Variants in PLXNA4 observed in about 807,000 individuals in gnomAD.
The protein encoded by PLXNA4 is plexin A4.
PLXNA4 carries 44 observed loss-of-function variants against 191.8 expected under a neutral mutation model. That is an observed-to-expected ratio of 0.23 (90% CI 0.18 to 0.29). PLXNA4 has a LOEUF of 0.29. PLXNA4 is among the 10% of genes least tolerant of loss of function. PLXNA4 has a pLI of 1.00. For missense variants in PLXNA4, 1,800 were observed against 2,488.8 expected (o/e 0.72, Z 5.89); for synonymous variants, 1,082 against 1,009.5 (o/e 1.07, Z -1.36).
intron 4 of PLXNA4, among the ~76,000 whole-genome samples, chr7:132,276,914 A>C (rs888141039): frequency 1.3e-5 from 2 of 152,162 alleles, no homozygotes; most frequent in South Asian, 4.1e-4. Context: ...TGATTTATGA[A>C]TTGGCATCTG....
At chr7:132,231,453 C>T (rs180827720) in intron 5 of PLXNA4, among the ~76,000 whole-genome samples, 89 of 152,286 alleles carry the variant, frequency 5.8e-4, no homozygotes, top group African/African-American at 2.1e-3. Flanking sequence ...GAGACAGAGT[C>T]TGGCTCTGTA....
intron 3 of PLXNA4, among the ~76,000 whole-genome samples, chr7:132,438,062 G>A (rs1436886297): frequency 6.6e-6 from 1 of 152,214 alleles, no homozygotes; most frequent in Non-Finnish European, 1.5e-5. Flanking sequence ...TGGAGCTTTT[G>A]AGAAGTGTGT....
At chr7:132,338,991 C>G (rs1035851539) in intron 3 of PLXNA4, among the ~76,000 whole-genome samples, 3 of 152,244 alleles carry the variant, frequency 2.0e-5, no homozygotes, top group African/African-American at 7.2e-5. Context: ...TTTCAGGAAA[C>G]TGTGATGACT....
At chr7:132,366,090 C>T (rs1455260705) in intron 3 of PLXNA4, 1 of 152,196 alleles carries the variant, frequency 6.6e-6, no homozygotes, top group Admixed American at 6.5e-5. Flanking sequence ...CTGAAACACA[C>T]ACAGTACATT....
intron 3 of PLXNA4, among the ~76,000 whole-genome samples, chr7:132,444,922 G>A (rs1795840326): frequency 1.3e-5 from 2 of 151,774 alleles, no homozygotes; most frequent in African/African-American, 2.4e-5. Flanking sequence ...CCAACACTTT[G>A]GGAGGCCGAG....
chr7:132,468,923 G>C (rs563884529), intron 3 of PLXNA4, among the ~76,000 whole-genome samples: 1 of 152,146 alleles, frequency 6.6e-6, no homozygotes, highest in Non-Finnish European at 1.5e-5. Flanking sequence ...AACAGGCACT[G>C]AGAAAATGCC....
intron 1 of PLXNA4, among the ~76,000 whole-genome samples, chr7:132,570,439 C>T (rs1801926703): frequency 1.3e-5 from 2 of 152,196 alleles, no homozygotes; most frequent in Admixed American, 6.5e-5. Flanking sequence ...CTCTTGGCCT[C>T]TGGGTCAAAG....
chr7:132,358,569 G>A lies in PLXNA4; in HGVS notation c.1372-60347C>T, dbSNP rs935519265. 3.9e-5 allele frequency among the ~76,000 whole-genome samples: 6 copies of A among 152,154 alleles called. 1 individual carries two copies. The highest frequency in any genetic ancestry group is 8.8e-5 in the Non-Finnish European group (6 of 68,028). On this transcript the variant is annotated intron_variant, in intron 3 of 31. Coordinates refer to ENST00000321063, the MANE Select transcript of PLXNA4 (RefSeq NM_020911.2). ...GAATCTTTGGGTATGGCCGTTTAGA[G>A]GTTCCAGGCCATTATTTACTCACAG...
In PLXNA4 at chr7:132,226,034, G is replaced by A. The variant is rs904825044; in HGVS notation, c.1982+127C>T. 1.0e-5 allele frequency: 8 copies of A among 792,000 alleles called. No individual in the cohort carries two copies. In the Admixed American group the frequency reaches 1.5e-4, roughly 15 times the overall value. The allele number at this position is 792,000 out of a possible 1,614,324, so 49.1% of individuals were successfully genotyped here. On this transcript the variant is annotated intron_variant, in intron 8 of 31. Transcript: ENST00000321063. The stretch of plus-strand genomic sequence containing the variant: ...GACTCCCTGTGGGTACCAGAGGAGA[G>A]GGAGTGAAGGAGGCCTCCTCTGGGG...
chr7:132,468,969 C>T (rs577571315), intron 3 of PLXNA4, among the ~76,000 whole-genome samples: 3 of 151,856 alleles, frequency 2.0e-5, no homozygotes, highest in Non-Finnish European at 4.4e-5. Context: ...GTGGAATGCT[C>T]GAAAGCTTCC....
intron 24 of PLXNA4, among the ~76,000 whole-genome samples, chr7:132,163,628 G>A (rs900907110): frequency 6.6e-6 from 1 of 152,118 alleles, no homozygotes; most frequent in Non-Finnish European, 1.5e-5. Context: ...GGATCCCCAC[G>A]TTCCTTCAAC....
At chr7:132,443,542 C>A (rs1297945681) in intron 3 of PLXNA4, among the ~76,000 whole-genome samples, 2 of 152,204 alleles carry the variant, frequency 1.3e-5, no homozygotes, top group Non-Finnish European at 2.9e-5. Flanking sequence ...GCCACCGGGC[C>A]TGTTGTCCAT....
chr7:132,472,449 A>G (rs1303350338), intron 3 of PLXNA4, among the ~76,000 whole-genome samples: 3 of 152,192 alleles, frequency 2.0e-5, no homozygotes, highest in Non-Finnish European at 4.4e-5. Context: ...GCAAATCTTT[A>G]GAACAAGGAA....
In PLXNA4 at chr7:132,312,444, C is replaced by T. The variant is rs370390761; in HGVS notation, c.1372-14222G>A. On this transcript the variant is annotated intron_variant, in intron 3 of 31. Transcript: ENST00000321063. ...ATGTTTCAGATGTGAAAACTGAGCC[C>T]GGTGGGGAAGTCACCAAGAACAAGA... Among the ~76,000 whole-genome samples the T allele has an allele frequency of 2.5e-3, 387 of 152,088 alleles. 6 individuals are homozygous for T. The highest frequency in any genetic ancestry group is 6.8e-3 in the Admixed American group (104 of 15,282).
At chr7:132,397,899 G>A (rs545942258) in intron 3 of PLXNA4, among the ~76,000 whole-genome samples, 6 of 152,304 alleles carry the variant, frequency 3.9e-5, no homozygotes, top group South Asian at 4.2e-4. Context: ...CTTAGCAACC[G>A]GAAGGAAATT....
Position 132,620,081 on chromosome 7 carries a change from C to G in PLXNA4, c.-87+25847G>C, listed in dbSNP as rs141417780. Among the ~76,000 whole-genome samples, 865 of 152,284 alleles carry G rather than the reference C, an allele frequency of 5.7e-3. 10 individuals carry two copies. Among genetic ancestry groups the G allele is most frequent in the African/African-American group, 0.019 (787 of 41,570 alleles). On this transcript the variant is annotated intron_variant, in intron 2 of 4. Transcript: ENST00000378539. ...CCTCCCAAAGTGCTGGGATTATAGG[C>G]GTGAGCCACCGCGCCTGGCCCATTT...
chr7:132,266,182 G>A (rs984441942), intron 4 of PLXNA4: 2 of 150,920 alleles, frequency 1.3e-5, no homozygotes, highest in East Asian at 1.9e-4. Context: ...TTGGGTGTGG[G>A]TGTGGGGGGG....
intron 4 of PLXNA4, among the ~76,000 whole-genome samples, chr7:132,242,233 A>C (rs896475303): frequency 4.6e-5 from 7 of 150,706 alleles, no homozygotes; most frequent in Non-Finnish European, 8.8e-5. Context: ...CTGATGTTTC[A>C]GCTTGAGCTA....
intron 3 of PLXNA4, among the ~76,000 whole-genome samples, chr7:132,395,741 G>C (rs1793730841): frequency 6.6e-6 from 1 of 152,244 alleles, no homozygotes; most frequent in Non-Finnish European, 1.5e-5. Flanking sequence ...GAAAAAGCAA[G>C]AAGTCCAGAT....
Sources: allele counts gnomAD v4.1 joint callset (sites outside exome capture counted in the v4.1 genomes callset), GRCh38; gene constraint gnomAD v4.1.1; transcripts MANE v1.5; gene names NCBI Gene and HGNC (gene_info 2026-07-23, HGNC 2026-07-21).